The following SNAPC3 variants were observed in gnomAD, a reference collection of about 807,000 sequenced individuals.
SNAPC3 encodes small nuclear RNA activating complex polypeptide 3.
Under a neutral mutation model 47.7 loss-of-function variants are expected in SNAPC3, and 56 were observed. The ratio of observed to expected loss-of-function variants is 1.18; its 90% CI spans 0.95 to 1.47. SNAPC3 has a LOEUF of 1.47. SNAPC3 is among the 40% of genes most tolerant of loss of function. The pLI, the probability that SNAPC3 is intolerant of heterozygous loss-of-function variation, is 0.00. For missense variants in SNAPC3, 665 were observed against 511.3 expected, an observed-to-expected ratio of 1.30 and a Z score of -2.90; for synonymous variants, 235 against 189.9, an observed-to-expected ratio of 1.24 and a Z score of -1.95.
In SNAPC3 at chr9:15,423,937, G is replaced by A; in HGVS notation, c.343G>A (p.Gly115Ser). 1.3e-6 allele frequency: 2 copies of A among 1,586,042 alleles called. No individual in the cohort carries two copies. The highest frequency in any genetic ancestry group is 1.7e-6 in the Non-Finnish European group (2 of 1,167,318). Reference protein sequence around the residue: ...GLDKLKCLEDGEDPEVIPENT... With the variant: ...GLDKLKCLEDSEDPEVIPENT... ...TGATAAACTGAAATGCCTTGAGGAC[G>A]GTGAGGATCCAGAAGTCATTCCGGA... The change falls in exon 2 of 9, where the codon GGT (glycine) becomes AGT (serine). Residue 115 changes from glycine (G) to serine (S), a missense_variant. Transcript: ENST00000380821.
intron 3 of SNAPC3, among the ~76,000 whole-genome samples, chr9:15,436,348 T>C (rs1449334522): frequency 6.6e-6 from 1 of 152,212 alleles, no homozygotes; most frequent in African/African-American, 2.4e-5. Context: ...CCACTTTGAG[T>C]TGATTTTTAT....
downstream of SNAPC3, chr9:15,462,929 A>C (rs1266635156): frequency 6.6e-6 from 1 of 152,208 alleles, no homozygotes; most frequent in Non-Finnish European, 1.5e-5. Flanking sequence ...ACCCTATGAA[A>C]AATCTCTGCT....
intron 3 of SNAPC3, among the ~76,000 whole-genome samples, chr9:15,439,394 A>G (rs548887429): frequency 6.6e-6 from 1 of 152,012 alleles, no homozygotes; most frequent in East Asian, 1.9e-4. Context: ...ACCTTAAAAA[A>G]TTTTGTTTTT....
rs559420943 is a variant in SNAPC3, at chr9:15,443,216, G to A, written c.478-1386G>A. ...AGGGGGAGAGGGAGAGAGGGAGAGG[G>A]AGCTAACGTCTTTGTTTAGTGGACT... is the stretch of plus-strand genomic sequence containing the variant. On this transcript the variant is annotated intron_variant, in intron 3 of 8. Coordinates refer to ENST00000380821, the MANE Select transcript of SNAPC3 (RefSeq NM_001039697.2). Among the ~76,000 whole-genome samples, 3 of 152,262 alleles carry A rather than the reference G, an allele frequency of 2.0e-5. No homozygotes were observed. The East Asian group carries it at 5.8e-4, about 29-fold the overall frequency.
intron 2 of SNAPC3, among the ~76,000 whole-genome samples, chr9:15,430,185 C>A (rs1170822479): frequency 6.6e-6 from 1 of 152,190 alleles, no homozygotes; most frequent in Non-Finnish European, 1.5e-5. Context: ...ACTCTCAACA[C>A]TTGGGGAGGC....
rs576516332 is a variant in SNAPC3, at chr9:15,448,038, C to G, written c.732+794C>G. On this transcript the variant is annotated intron_variant, in intron 5 of 8. Coordinates refer to ENST00000380821, the MANE Select transcript of SNAPC3 (RefSeq NM_001039697.2). The stretch of plus-strand genomic sequence containing the variant: ...ATCATAGGGCAGGATTGAACTAAAC[C>G]TGCTACAACTCTGGCAGAGGGCCTC... 5.9e-5 allele frequency among the ~76,000 whole-genome samples: 9 copies of G among 152,246 alleles called. No homozygotes were observed. In the South Asian group the frequency reaches 1.2e-3, roughly 21 times the overall value.
At chr9:15,442,762 A>AT (rs2033587820) in intron 3 of SNAPC3, among the ~76,000 whole-genome samples, 2 of 152,140 alleles carry the variant, frequency 1.3e-5, no homozygotes, top group African/African-American at 4.8e-5. Context: ...CACTTGCCAG[A>AT]CGGGGTGGCG....
At chr9:15,446,978 A>G in intron 4 of SNAPC3, 117 bp from the exon 5 acceptor site, 1 of 875,366 alleles carries the variant, frequency 1.1e-6, no homozygotes, top group Non-Finnish European at 1.8e-6. Context: ...GCATCAAGTT[A>G]TGGGGACAAT....
chr9:15,429,405 C>CA (rs2031858492), intron 2 of SNAPC3, among the ~76,000 whole-genome samples: 1 of 152,024 alleles, frequency 6.6e-6, no homozygotes, highest in Non-Finnish European at 1.5e-5. Flanking sequence ...AGGACTAATA[C>CA]AGAGAGGATG....
intron 3 of SNAPC3, among the ~76,000 whole-genome samples, chr9:15,441,598 T>C (rs889477731): frequency 1.5e-4 from 23 of 151,842 alleles, no homozygotes; most frequent in Admixed American, 7.9e-4. Flanking sequence ...GTGATGACTC[T>C]TAAGGAGCAT....
chr9:15,435,527 C>T (rs910186071), intron 3 of SNAPC3, among the ~76,000 whole-genome samples: 26 of 151,724 alleles, frequency 1.7e-4, no homozygotes, highest in African/African-American at 5.8e-4. Context: ...GAGCCAGTAT[C>T]ATGCCACTGC....
intron 3 of SNAPC3, among the ~76,000 whole-genome samples, chr9:15,437,273 A>G (rs2032912107): frequency 6.7e-6 from 1 of 149,956 alleles, no homozygotes; most frequent in Admixed American, 6.7e-5. Context: ...TTGTTCTGTC[A>G]CCCAGGCTGA....
chr9:15,453,048 A>T lies in SNAPC3; in HGVS notation c.823A>T (p.Ile275Phe). The part of the protein sequence containing the change: ...PECRDLSRTI[I>F]EWSESHDRGY... ...TGCCTTTTCCCCCCTCAGAACTATC[A>T]TTGAGTGGTCAGAGTCCCATGATAG... is the stretch of plus-strand genomic sequence containing the variant. The change falls in exon 7 of 9, where the codon ATT (isoleucine) becomes TTT (phenylalanine). Residue 275 changes from isoleucine (I) to phenylalanine (F), a missense_variant. Transcript: ENST00000380821. 6.2e-7 allele frequency: 1 copy of T among 1,612,468 alleles called. No homozygotes were observed. The highest frequency in any genetic ancestry group is 8.5e-7 in the Non-Finnish European group (1 of 1,179,216).
chr9:15,446,669 G>C (rs916659220), intron 4 of SNAPC3, among the ~76,000 whole-genome samples: 1 of 140,280 alleles, frequency 7.1e-6, no homozygotes, highest in Non-Finnish European at 1.5e-5. Context: ...AAAGGGGAGA[G>C]GGGAAGGCAT....
chr9:15,441,461 C>T (rs1233003919), intron 3 of SNAPC3, among the ~76,000 whole-genome samples: 1 of 123,740 alleles, frequency 8.1e-6, no homozygotes, highest in Non-Finnish European at 1.6e-5. Flanking sequence ...TTGGCAGGGT[C>T]ATAGGACAAT....
chr9:15,454,584 C>G (rs1463359232), intron 7 of SNAPC3, among the ~76,000 whole-genome samples: 1 of 152,154 alleles, frequency 6.6e-6, no homozygotes, highest in Non-Finnish European at 1.5e-5. Flanking sequence ...TGGTAGACTC[C>G]CGGTTGTTCA....
Position 15,433,533 on chromosome 9 carries a change from TC to T in SNAPC3, c.393-18del. On this transcript the variant is annotated intron_variant, in intron 2 of 8. Coordinates refer to ENST00000380821, the MANE Select transcript of SNAPC3 (RefSeq NM_001039697.2). ...AATGTTGAACTTTGATTTTTTTTTT[TC>T]TTTTACATCTACAACAGGGTTAGAA... The T allele has an allele frequency of 2.0e-6, 3 of 1,464,104 alleles. No individual in the cohort carries two copies. Among genetic ancestry groups the T allele is most frequent in the Admixed American group, 2.0e-5 (1 of 50,746 alleles). The allele number at this position is 1,464,104 out of a possible 1,614,324, so 90.7% of individuals were successfully genotyped here. A position where few individuals can be genotyped will look rare whatever the true frequency, so the allele number is the denominator to read the frequency against.
At chr9:15,433,015 T>G (rs2032359046) in intron 2 of SNAPC3, among the ~76,000 whole-genome samples, 1 of 152,268 alleles carries the variant, frequency 6.6e-6, no homozygotes, top group East Asian at 1.9e-4. Flanking sequence ...CATATTAATA[T>G]CATGAACATC....
At chr9:15,456,328 T>C (rs1021809835) in intron 7 of SNAPC3, among the ~76,000 whole-genome samples, 8 of 152,164 alleles carry the variant, frequency 5.3e-5, no homozygotes, top group Non-Finnish European at 8.8e-5. Flanking sequence ...ACATTTCTTA[T>C]AGTGTAGGCC....
Sources: gnomAD v4.1 joint callset for allele counts (sites outside exome capture counted in the v4.1 genomes callset) on GRCh38, gnomAD v4.1.1 for gene constraint, MANE v1.5 for transcripts, NCBI Gene and HGNC (gene_info 2026-07-23, HGNC 2026-07-21) for gene names.